Variants in ZNF532 observed in about 807,000 individuals in gnomAD.
The protein encoded by ZNF532 is zinc finger protein 532.
A neutral mutation model predicts 89.3 loss-of-function variants in ZNF532; 22 were observed. The ratio of observed to expected loss-of-function variants is 0.25; its 90% confidence interval spans 0.18 to 0.35. The LOEUF (loss-of-function observed/expected upper bound fraction) is 0.35, where lower values mean the gene tolerates loss of function less well. Among genes scored for constraint, ZNF532 ranks in the 10% least tolerant of loss-of-function variants. The pLI is 1.00. For missense variants in ZNF532, 1,132 were observed against 1,643.4 expected (o/e 0.69, Z 5.38); for synonymous variants, 606 against 649.6 (o/e 0.93, Z 1.02).
chr18:58,959,919 C>T (rs928705298), intron 7 of ZNF532, among the ~76,000 whole-genome samples: 1 of 151,988 alleles, frequency 6.6e-6, no homozygotes, highest in Non-Finnish European at 1.5e-5. Flanking sequence ...ATACATTTAC[C>T]ACTTCTAAGT....
intron 2 of ZNF532, among the ~76,000 whole-genome samples, chr18:58,894,159 C>T (rs749181207): frequency 1.3e-4 from 20 of 152,142 alleles, no homozygotes; most frequent in Non-Finnish European, 2.9e-5. Flanking sequence ...TGATTTTCAT[C>T]TTGCCATTGA....
intron 2 of ZNF532, among the ~76,000 whole-genome samples, chr18:58,894,194 G>T (rs2059100742): frequency 6.6e-6 from 1 of 152,304 alleles, no homozygotes; most frequent in South Asian, 2.1e-4. Flanking sequence ...GCCGGGCGTG[G>T]TGGCTCATGC....
chr18:58,981,635 T>C lies in ZNF532; in HGVS notation c.3411+18T>C. 1.2e-6 allele frequency: 2 copies of C among 1,613,706 alleles called. No individual in the cohort carries two copies. Among genetic ancestry groups the C allele is most frequent in the Non-Finnish European group, 1.7e-6 (2 of 1,179,810 alleles). On this transcript the variant is annotated intron_variant, in intron 9 of 9. Transcript: ENST00000591808. The stretch of plus-strand genomic sequence containing the variant: ...ACACTAAGGTCTAACATTGCAGATG[T>C]TTGCTTTACAGTGAAATTGTGTTGA...
intron 7 of ZNF532, chr18:58,977,377 G>A (rs2067180863): frequency 6.6e-6 from 1 of 152,168 alleles, no homozygotes. Context: ...CCTCACAGGG[G>A]TGGGAGTGGA....
At chr18:58,982,300 T>C (rs2067887489) in intron 9 of ZNF532, among the ~76,000 whole-genome samples, 1 of 151,548 alleles carries the variant, frequency 6.6e-6, no homozygotes, top group Admixed American at 6.6e-5. Flanking sequence ...GCAGGACTTT[T>C]TTTGTTTTTT....
chr18:58,926,248 A>G (rs893385778), intron 3 of ZNF532: 3 of 152,226 alleles, frequency 2.0e-5, no homozygotes, highest in Admixed American at 6.5e-5. Context: ...ATTTATACTG[A>G]TAAGAACAGA....
chr18:58,895,476 C>A (rs1485511761), intron 2 of ZNF532, among the ~76,000 whole-genome samples: 1 of 152,198 alleles, frequency 6.6e-6, no homozygotes, highest in African/African-American at 2.4e-5. Flanking sequence ...GGCAAAGAAA[C>A]CAGTTTAAAC....
intron 3 of ZNF532, among the ~76,000 whole-genome samples, chr18:58,928,067 A>G (rs551845339): frequency 2.0e-5 from 3 of 151,796 alleles, no homozygotes; most frequent in Non-Finnish European, 4.4e-5. Context: ...CTTTCTTTTT[A>G]TATTTTATTT....
In ZNF532 at chr18:58,984,457, C is replaced by T. The variant is rs776629996; in HGVS notation, c.3897C>T (p.Ala1299=). The change falls in exon 10 of 10, where the codon GCC becomes GCT. Residue 1299 remains alanine, a synonymous_variant. Transcript: ENST00000591808. ...AFIKSKRMSS[A]EK ...TCAAATCCAAAAGGATGAGCTCAGC[C>T]GAGAAATAGCCACAGATGCTCCATG... 101 of 1,606,912 alleles carry T rather than the reference C, an allele frequency of 6.3e-5. No individual in the cohort carries two copies. The South Asian group carries it at 8.8e-4, about 14-fold the overall frequency.
At chr18:58,882,800 A>G (rs1376294182) in intron 2 of ZNF532, among the ~76,000 whole-genome samples, 1 of 152,216 alleles carries the variant, frequency 6.6e-6, no homozygotes, top group Non-Finnish European at 1.5e-5. Flanking sequence ...GAGATATCTC[A>G]TCCTGAAAGA....
intron 7 of ZNF532, among the ~76,000 whole-genome samples, chr18:58,961,991 C>T (rs185713274): frequency 2.6e-5 from 4 of 152,032 alleles, no homozygotes; most frequent in East Asian, 1.9e-4. Flanking sequence ...TTTGGGAGTC[C>T]GAGGTGGATG....
intron 2 of ZNF532, among the ~76,000 whole-genome samples, chr18:58,889,032 A>G (rs1394017157): frequency 6.8e-6 from 1 of 146,884 alleles, no homozygotes; most frequent in Non-Finnish European, 1.5e-5. Flanking sequence ...AAATCTAAAA[A>G]TCCAAAATTT....
intron 2 of ZNF532, among the ~76,000 whole-genome samples, chr18:58,884,225 C>CA (rs2058123613): frequency 6.6e-6 from 1 of 152,166 alleles, no homozygotes; most frequent in Non-Finnish European, 1.5e-5. Flanking sequence ...CTAAAAAATA[C>CA]AAAAATTAGC....
intron 3 of ZNF532, among the ~76,000 whole-genome samples, chr18:58,930,627 CAAAA>C (rs59983153): frequency 2.5e-5 from 2 of 81,196 alleles, no homozygotes; most frequent in African/African-American, 4.8e-5. Context: ...GACTCCATCT[CAAAA>C]AAAAAAAAAA....
At chr18:58,951,909 A>G (rs575671132) in intron 6 of ZNF532, among the ~76,000 whole-genome samples, 1 of 152,052 alleles carries the variant, frequency 6.6e-6, no homozygotes, top group African/African-American at 2.4e-5. Context: ...TCGGCCTCCC[A>G]AAGTGCTGGG....
At chr18:58,983,325 T>TCCAGAGG (rs1399266662) in intron 9 of ZNF532, among the ~76,000 whole-genome samples, 6 of 151,906 alleles carry the variant, frequency 3.9e-5, no homozygotes, top group African/African-American at 1.5e-4. Context: ...GGGGAAAGCT[T>TCCAGAGG]CCAGAGGCTC....
At chr18:58,942,080 T>C (rs1462525197) in intron 5 of ZNF532, among the ~76,000 whole-genome samples, 7 of 147,736 alleles carry the variant, frequency 4.7e-5, no homozygotes, top group Admixed American at 1.4e-4. Flanking sequence ...TGGAGTGCAG[T>C]GGCACGATCT....
intron 4 of ZNF532, among the ~76,000 whole-genome samples, chr18:58,938,496 T>C (rs77689164): frequency 1.3e-5 from 2 of 152,096 alleles, no homozygotes; most frequent in African/African-American, 4.8e-5. Flanking sequence ...AGCTAGACAA[T>C]TTTTTTTAGA....
intron 2 of ZNF532, among the ~76,000 whole-genome samples, chr18:58,907,932 A>G (rs2060038158): frequency 6.6e-6 from 1 of 152,190 alleles, no homozygotes; most frequent in Non-Finnish European, 1.5e-5. Flanking sequence ...TTAATAAATG[A>G]GATGACCACA....
Sources: allele counts gnomAD v4.1 joint callset (sites outside exome capture counted in the v4.1 genomes callset), GRCh38; gene constraint gnomAD v4.1.1; transcripts MANE v1.5; gene names NCBI Gene and HGNC (gene_info 2026-07-23, HGNC 2026-07-21).